Variants in KCNMA1 observed in about 807,000 individuals in gnomAD.
KCNMA1 encodes the protein potassium calcium-activated channel subfamily M alpha 1, also known as Calcium-activated potassium channel subunit alpha-1.
KCNMA1 carries 29 observed loss-of-function variants against 140.0 expected under a neutral mutation model. The observed-to-expected ratio is 0.21, with a 90% CI of 0.15 to 0.28. KCNMA1 has a LOEUF of 0.28. KCNMA1 is among the 10% of genes least tolerant of loss of function. The probability of loss-of-function intolerance (pLI) is 1.00; values close to 1 mark genes in which losing one functional copy is unlikely to be tolerated. For synonymous variants in KCNMA1, 612 were observed against 611.9 expected (o/e 1.00, Z 0.00); for missense variants, 880 against 1,602.2 (o/e 0.55, Z 7.70).
chr10:77,179,393 G>C (rs1460379860), intron 5 of KCNMA1, among the ~76,000 whole-genome samples: 1 of 152,098 alleles, frequency 6.6e-6, no homozygotes, highest in African/African-American at 2.4e-5. Context: ...ACTAGGACTC[G>C]GGAGACACCA....
intron 14 of KCNMA1, among the ~76,000 whole-genome samples, chr10:77,070,082 C>T (rs1362221279): frequency 2.0e-5 from 3 of 152,160 alleles, no homozygotes; most frequent in East Asian, 3.9e-4. Context: ...TCCCAAAGTG[C>T]TTATATTACA....
chr10:77,236,709 C>A (rs759140166), intron 3 of KCNMA1, among the ~76,000 whole-genome samples: 8 of 152,218 alleles, frequency 5.3e-5, no homozygotes, highest in Non-Finnish European at 1.2e-4. Flanking sequence ...TTATACAGTA[C>A]ATAGATCTAT....
At chr10:77,519,468 G>A (rs2051976292) in intron 1 of KCNMA1, among the ~76,000 whole-genome samples, 1 of 151,650 alleles carries the variant, frequency 6.6e-6, no homozygotes, top group Admixed American at 6.6e-5. Context: ...CCACGTGTCA[G>A]TCAACACTCC....
chr10:77,315,223 G>T (rs185917181), intron 2 of KCNMA1, among the ~76,000 whole-genome samples: 243 of 152,292 alleles, frequency 1.6e-3, no homozygotes, highest in South Asian at 0.015. Context: ...ACGTTTGGTT[G>T]TGTGTAAAGG....
rs2037738013 is a variant in KCNMA1, at chr10:76,887,641, G to C, written c.3462-126C>G. 28 of 1,064,548 alleles carry C rather than the reference G, an allele frequency of 2.6e-5. 1 individual carries two copies. The South Asian group carries it at 2.7e-4, about 10-fold the overall frequency. The allele number at this position is 1,064,548 out of a possible 1,614,324, so 65.9% of individuals were successfully genotyped here. ...AGAGGATCTGGAAGATGCACTCCTA[G>C]CTGGTCTGAGGCCTTAAACATTCTT... On this transcript the variant is annotated intron_variant, in intron 27 of 27. Transcript: ENST00000286628.
In KCNMA1 at chr10:77,637,248, C is replaced by T. The variant is rs759687101; in HGVS notation, c.378+17G>A. On this transcript the variant is annotated intron_variant, in intron 1 of 27. Transcript: ENST00000286628. ...GTGGGGCTGGCGCAGAGGGCGGGCG[C>T]CCGGGGCGCGCGTTACCTTCGTCTT... The T allele has an allele frequency of 6.3e-7, 1 of 1,590,386 alleles. No individual in the cohort carries two copies. Among genetic ancestry groups the T allele is most frequent in the South Asian group, 1.1e-5 (1 of 88,872 alleles).
chr10:77,192,308 T>C (rs1217663180), intron 3 of KCNMA1, among the ~76,000 whole-genome samples: 1 of 152,214 alleles, frequency 6.6e-6, no homozygotes, highest in Admixed American at 6.5e-5. Context: ...TTGTTTGTTA[T>C]GAAGTTCTTT....
Position 77,108,271 on chromosome 10 carries a change from A to T in KCNMA1, c.1223+210T>A. 2.1e-6 allele frequency: 3 copies of T among 1,459,782 alleles called. No homozygotes were observed. Among genetic ancestry groups the T allele is most frequent in the Non-Finnish European group, 2.7e-6 (3 of 1,112,484 alleles). 90.4% of individuals were successfully genotyped at this position (1,459,782 alleles called of 1,614,324 possible). The stretch of plus-strand genomic sequence containing the variant: ...AAGTCACTCAACCACATCTTTTCTG[A>T]TGCAACTGACTTACTTTCTGCCTCC... On this transcript the variant is annotated intron_variant, in intron 9 of 27. Transcript: ENST00000286628. The surrounding 1 kb of genome is among the most constrained non-coding windows in gnomAD (Gnocchi z 4.6).
rs554028789 is a variant in KCNMA1, at chr10:77,559,567, G to T, written c.378+77698C>A. Among the ~76,000 whole-genome samples, 3 of 152,292 alleles carry T rather than the reference G, an allele frequency of 2.0e-5. No individual in the cohort carries two copies. The East Asian group carries it at 5.8e-4, about 29-fold the overall frequency. Reference sequence around the variant, plus strand: ...CAGCTGTCCTCCACTGGGCAAGAAGGTGTCACCCCCAGCTCTCCTCTCTAG... The same window carrying T: ...CAGCTGTCCTCCACTGGGCAAGAAGTTGTCACCCCCAGCTCTCCTCTCTAG... On this transcript the variant is annotated intron_variant, in intron 1 of 27. Coordinates refer to ENST00000286628, the MANE Select transcript of KCNMA1 (RefSeq NM_001161352.2).
At chr10:77,306,531 T>C (rs908043377) in intron 2 of KCNMA1, among the ~76,000 whole-genome samples, 7 of 152,234 alleles carry the variant, frequency 4.6e-5, no homozygotes, top group Non-Finnish European at 8.8e-5. Context: ...ACAAAAATTC[T>C]GGGTCAGACA....
intron 25 of KCNMA1, among the ~76,000 whole-genome samples, chr10:76,897,479 A>G (rs1379007705): frequency 6.6e-6 from 1 of 152,134 alleles, no homozygotes; most frequent in African/African-American, 2.4e-5. Context: ...TTGACAGGAC[A>G]CATTTGTTCC....
intron 9 of KCNMA1, among the ~76,000 whole-genome samples, chr10:77,106,606 T>A (rs887559030): frequency 5.3e-5 from 8 of 151,970 alleles, no homozygotes; most frequent in African/African-American, 1.9e-4. Flanking sequence ...GGCAATTGAT[T>A]TTATTGACTT....
intron 1 of KCNMA1, among the ~76,000 whole-genome samples, chr10:77,413,044 G>T (rs1007975778): frequency 6.6e-6 from 1 of 152,042 alleles, no homozygotes; most frequent in Non-Finnish European, 1.5e-5. Flanking sequence ...TTTTAGTACA[G>T]ACAGGGTTTC....
At position 77,506,571 on chromosome 10, in the gene KCNMA1, T is replaced by TAGAGAG. The variant is rs72516981; in HGVS notation, c.379-102554_379-102549dup. The stretch of plus-strand genomic sequence containing the variant: ...GGAGAGAGGGAAAGAGAGATGTTCC[T>TAGAGAG]AGAGAGAGAGAGAGAGAGAGAGAGA... On this transcript the variant is annotated intron_variant, in intron 1 of 27. Coordinates refer to ENST00000286628, the MANE Select transcript of KCNMA1 (RefSeq NM_001161352.2). Among the ~76,000 whole-genome samples the TAGAGAG allele has an allele frequency of 4.4e-3, 341 of 77,892 alleles. 4 individuals carry two copies. The highest frequency in any genetic ancestry group is 0.011 in the African/African-American group (114 of 10,826). The allele number at this position is 77,892 out of a possible 152,430, so 51.1% of individuals were successfully genotyped here. A position where few individuals can be genotyped will look rare whatever the true frequency, so the allele number is the denominator to read the frequency against.
At chr10:77,328,276 G>C (rs2084980701) in intron 2 of KCNMA1, among the ~76,000 whole-genome samples, 1 of 152,180 alleles carries the variant, frequency 6.6e-6, no homozygotes, top group Admixed American at 6.5e-5. Context: ...GAACAAGTAA[G>C]TGCTTATCAC....
At chr10:77,637,123 C>A (rs2093834802) in intron 1 of KCNMA1, 142 bp downstream of exon 1, 1 of 1,267,392 alleles carries the variant, frequency 7.9e-7, no homozygotes. Context: ...CCGGGAGAGC[C>A]GAGGGAAGGG....
intron 2 of KCNMA1, among the ~76,000 whole-genome samples, chr10:77,333,398 AAGAAAAGAAAAG>A (rs1278888107): frequency 1.4e-4 from 1 of 7,372 alleles, no homozygotes; most frequent in Non-Finnish European, 2.9e-4. Context: ...GAAAGAAAGA[AAGAAAAGAAAAG>A]AAAAGAAAAG....
At chr10:77,567,169 T>C (rs2068634491) in intron 1 of KCNMA1, among the ~76,000 whole-genome samples, 1 of 152,136 alleles carries the variant, frequency 6.6e-6, no homozygotes, top group Non-Finnish European at 1.5e-5. Flanking sequence ...AGCCCTACAG[T>C]AGAGTTCAAG....
chr10:77,074,642 G>A (rs1392932604), intron 13 of KCNMA1, among the ~76,000 whole-genome samples: 6 of 152,198 alleles, frequency 3.9e-5, no homozygotes, highest in Admixed American at 3.9e-4. Context: ...CAAGAAAGCA[G>A]ATTTTTGTCT....
Sources: gnomAD v4.1 joint callset for allele counts (sites outside exome capture counted in the v4.1 genomes callset) on GRCh38, gnomAD v4.1.1 for gene constraint, Gnocchi (gnomAD v3.1) non-coding constraint, MANE v1.5 for transcripts, NCBI Gene and HGNC (gene_info 2026-07-23, HGNC 2026-07-21) for gene names.